TBC1D4: variants seen among roughly 807,000 people sequenced by gnomAD.
TBC1D4 encodes the protein TBC1 domain family member 4, also known as TBC (Tre-2, BUB2, CDC16) domain-containing protein.
TBC1D4 carries 121 observed loss-of-function variants against 142.5 expected under a neutral mutation model. That is an observed-to-expected ratio of 0.85 (90% CI 0.73 to 0.99). The LOEUF (loss-of-function observed/expected upper bound fraction) is 0.99, where lower values mean the gene tolerates loss of function less well. Ranked by LOEUF, TBC1D4 falls within the 50% of genes least tolerant of loss-of-function variation. The pLI is 0.00. For synonymous variants in TBC1D4, 630 were observed against 628.2 expected (o/e 1.00, Z -0.04); for missense variants, 1,475 against 1,606.6 (o/e 0.92, Z 1.40).
intron 1 of TBC1D4, among the ~76,000 whole-genome samples, chr13:75,459,231 G>T (rs1777521267): frequency 6.6e-6 from 1 of 152,110 alleles, no homozygotes; most frequent in African/African-American, 2.4e-5. Context: ...TTTGTGTTTT[G>T]TTCTCAACTG....
intron 1 of TBC1D4, among the ~76,000 whole-genome samples, chr13:75,405,699 T>C (rs757492650): frequency 1.3e-5 from 2 of 152,198 alleles, no homozygotes; most frequent in Non-Finnish European, 2.9e-5. Flanking sequence ...AACTTTACCA[T>C]GATCATCTTT....
intron 1 of TBC1D4, among the ~76,000 whole-genome samples, chr13:75,460,763 A>G (rs1245676306): frequency 6.6e-6 from 1 of 152,128 alleles, no homozygotes; most frequent in Non-Finnish European, 1.5e-5. Context: ...TTCACTAAAA[A>G]TAAAAAAAAA....
intron 1 of TBC1D4, among the ~76,000 whole-genome samples, chr13:75,464,305 G>A (rs1208083375): frequency 3.9e-5 from 6 of 152,176 alleles, no homozygotes; most frequent in African/African-American, 7.2e-5. Flanking sequence ...TGGGTTTACC[G>A]GAACGAGGGC....
chr13:75,326,552 C>T, intron 9 of TBC1D4, 129 bp from the exon 10 acceptor site: 2 of 945,888 alleles, frequency 2.1e-6, no homozygotes, highest in South Asian at 2.8e-5. Flanking sequence ...GTTTTTCCTC[C>T]CCCTTTTACT....
intron 1 of TBC1D4, among the ~76,000 whole-genome samples, chr13:75,383,279 C>T (rs548981666): frequency 2.6e-5 from 4 of 152,274 alleles, no homozygotes; most frequent in South Asian, 2.1e-4. Flanking sequence ...GCTGAGATTG[C>T]GCCACTACAC....
rs1882632713 is a variant in TBC1D4 at position 75,362,613 on chromosome 13, G to A, written c.499-6C>T. 2 of 1,613,302 alleles carry A rather than the reference G, an allele frequency of 1.2e-6. No homozygotes were observed. The highest frequency in any genetic ancestry group is 1.7e-6 in the Non-Finnish European group (2 of 1,179,794). On this transcript the variant is annotated splice_polypyrimidine_tract_variant and splice_region_variant and intron_variant, in intron 1 of 20. Coordinates refer to ENST00000377636, the MANE Select transcript of TBC1D4 (RefSeq NM_014832.5). The surrounding 1 kb of genome is among the most constrained non-coding windows in gnomAD (Gnocchi z 4.2). ...CTGCTAATAACATCAGGAACCTGGGGGAAAAAATTAAAACCCTGATTCTAG... is the reference window on the plus strand; with the variant it reads ...CTGCTAATAACATCAGGAACCTGGGAGAAAAAATTAAAACCCTGATTCTAG...
At chr13:75,361,964 GC>G in intron 2 of TBC1D4, 61 bp downstream of exon 2, 3 of 1,565,552 alleles carry the variant, frequency 1.9e-6, no homozygotes, top group Non-Finnish European at 2.6e-6. Context: ...GGAACTGGAT[GC>G]CCAGCTACTT....
At chr13:75,444,914 T>G (rs956732500) in intron 1 of TBC1D4, among the ~76,000 whole-genome samples, 41 of 152,226 alleles carry the variant, frequency 2.7e-4, no homozygotes, top group African/African-American at 9.4e-4. Flanking sequence ...TTGCTTACTA[T>G]GGGCCAGCCA....
chr13:75,326,757 G>A (rs903359974), intron 9 of TBC1D4, among the ~76,000 whole-genome samples: 28 of 152,246 alleles, frequency 1.8e-4, no homozygotes, highest in African/African-American at 6.7e-4. Context: ...GTGATGAAAC[G>A]CTAGAGCTAC....
chr13:75,360,764 TTTACTCTG>T (rs1383142983), intron 2 of TBC1D4, among the ~76,000 whole-genome samples: 1 of 152,154 alleles, frequency 6.6e-6, no homozygotes, highest in Non-Finnish European at 1.5e-5. Flanking sequence ...GTGTTGCCTC[TTTACTCTG>T]AATTTACTTT....
At position 75,412,144 on chromosome 13, in the gene TBC1D4, A is replaced by G. The variant is rs186270018; in HGVS notation, c.499-49537T>C. On this transcript the variant is annotated intron_variant, in intron 1 of 20. Transcript: ENST00000377636. The stretch of plus-strand genomic sequence containing the variant: ...TGTGAGGGCTGTAGAAGTTTGGGCT[A>G]TACCCTCCCAATTCACCCTAATTTT... Among the ~76,000 whole-genome samples, 19 of 152,284 alleles carry G rather than the reference A, an allele frequency of 1.2e-4. No individual in the cohort carries two copies. In the East Asian group the frequency reaches 3.3e-3, roughly 26 times the overall value.
chr13:75,303,845 T>C (rs1409126766), intron 15 of TBC1D4, among the ~76,000 whole-genome samples: 1 of 152,206 alleles, frequency 6.6e-6, no homozygotes, highest in African/African-American at 2.4e-5. Flanking sequence ...TCCAGTTTCT[T>C]GCACCTCCTG....
intron 3 of TBC1D4, among the ~76,000 whole-genome samples, chr13:75,356,845 C>T (rs545728203): frequency 9.9e-5 from 15 of 152,194 alleles, no homozygotes; most frequent in Non-Finnish European, 1.9e-4. Context: ...TAAATAACCT[C>T]CCTATATCCC....
In TBC1D4 at chr13:75,349,436, C is replaced by T. The variant is rs920310226; in HGVS notation, c.1276-134G>A. On this transcript the variant is annotated intron_variant, in intron 4 of 20. Coordinates refer to ENST00000377636, the MANE Select transcript of TBC1D4 (RefSeq NM_014832.5). ...GAATTTTGATGACTAGAGAGTTAGC[C>T]GAGAGAAAATACTAAGTCTTGGAGT... is the stretch of plus-strand genomic sequence containing the variant. 2.3e-5 allele frequency: 28 copies of T among 1,203,884 alleles called. No individual in the cohort carries two copies. In the Middle Eastern group the frequency reaches 8.1e-4, roughly 35 times the overall value. 74.6% of individuals were successfully genotyped at this position (1,203,884 alleles called of 1,614,324 possible).
At chr13:75,414,411 T>G (rs76757145) in intron 1 of TBC1D4, among the ~76,000 whole-genome samples, 2 of 152,272 alleles carry the variant, frequency 1.3e-5, no homozygotes, top group South Asian at 4.1e-4. Flanking sequence ...CCCATAAGCA[T>G]GAGGAGCTAC....
chr13:75,341,899 T>G lies in TBC1D4; in HGVS notation c.1409-312A>C, dbSNP rs142575368. Among the ~76,000 whole-genome samples the G allele has an allele frequency of 6.2e-3, 950 of 152,278 alleles. 4 individuals carry two copies. Among genetic ancestry groups the G allele is most frequent in the African/African-American group, 0.022 (908 of 41,552 alleles). Reference sequence around the variant, plus strand: ...GAGGTGGAGAGGAGTTTTCAGAAACTTTTCCTCTAGTTCTCATTCAGTACT... The same window carrying G: ...GAGGTGGAGAGGAGTTTTCAGAAACGTTTCCTCTAGTTCTCATTCAGTACT... On this transcript the variant is annotated intron_variant, in intron 5 of 20. Transcript: ENST00000377636.
rs185140924 is a variant in TBC1D4 at position 75,409,107 on chromosome 13, C to T, written c.499-46500G>A. On this transcript the variant is annotated intron_variant, in intron 1 of 20. Transcript: ENST00000377636. ...TTCATAAAGAGTTATTGGTCAGTTA[C>T]CAGTCTTGCCTTCAAGAAACCTTTT... Among the ~76,000 whole-genome samples the T allele has an allele frequency of 3.8e-3, 583 of 151,956 alleles. 3 individuals are homozygous for T. Among genetic ancestry groups the T allele is most frequent in the Middle Eastern group, 0.031 (9 of 294 alleles).
intron 12 of TBC1D4, among the ~76,000 whole-genome samples, chr13:75,319,106 T>C (rs942556532): frequency 2.0e-5 from 3 of 152,238 alleles, no homozygotes; most frequent in African/African-American, 7.2e-5. Flanking sequence ...ATTATTTAAA[T>C]GGTCTTACAC....
At position 75,327,790 on chromosome 13, in the gene TBC1D4, C is replaced by A; in HGVS notation, c.1768G>T (p.Asp590Tyr). 1.2e-6 allele frequency: 2 copies of A among 1,614,008 alleles called. No homozygotes were observed. Among genetic ancestry groups the A allele is most frequent in the Non-Finnish European group, 1.7e-6 (2 of 1,179,906 alleles). ...NRMRGRLGSV[D>Y]SFERSNSLAS... ...AGACTGTTGGACCGTTCAAAACTGT[C>A]CACACTTCCAAGCCGACCTCTCATT... Residue 590 changes from aspartate (D) to tyrosine (Y), a missense_variant, in exon 9 of 21, where the codon GAC (aspartate) becomes TAC (tyrosine). Coordinates refer to ENST00000377636, the MANE Select transcript of TBC1D4 (RefSeq NM_014832.5).
Sources: gnomAD v4.1 joint callset for allele counts (sites outside exome capture counted in the v4.1 genomes callset) on GRCh38, gnomAD v4.1.1 for gene constraint, Gnocchi (gnomAD v3.1) non-coding constraint, MANE v1.5 for transcripts, NCBI Gene and HGNC (gene_info 2026-07-23, HGNC 2026-07-21) for gene names.